ADAMTSL1: variants seen among roughly 807,000 people sequenced by gnomAD.
ADAMTSL1 encodes the protein ADAMTS-like protein 1.
In ADAMTSL1, 126 loss-of-function variants were observed where a neutral mutation model predicts 201.8. The observed-to-expected ratio is 0.62, with a 90% CI of 0.54 to 0.72. ADAMTSL1 has a LOEUF of 0.72. ADAMTSL1 is among the 30% of genes least tolerant of loss of function. The pLI is 0.00. For synonymous variants in ADAMTSL1, 1,121 were observed against 903.4 expected, an observed-to-expected ratio of 1.24 and a Z score of -4.32; for missense variants, 2,679 against 2,277.8, an observed-to-expected ratio of 1.18 and a Z score of -3.59.
intron 2 of ADAMTSL1, among the ~76,000 whole-genome samples, chr9:18,208,105 G>A (rs201061636): frequency 6.6e-6 from 1 of 151,952 alleles, no homozygotes; most frequent in Non-Finnish European, 1.5e-5. Context: ...ATTTTGTTAG[G>A]GGTACAAAAA....
At chr9:18,156,725 C>T (rs1262786896) in intron 1 of ADAMTSL1, among the ~76,000 whole-genome samples, 2 of 151,898 alleles carry the variant, frequency 1.3e-5, no homozygotes, top group Admixed American at 1.3e-4. Context: ...TGTGCCCATC[C>T]ACCTAGGATT....
At chr9:18,789,732 A>C (rs560953611) in intron 19 of ADAMTSL1, among the ~76,000 whole-genome samples, 1 of 152,134 alleles carries the variant, frequency 6.6e-6, no homozygotes, top group Non-Finnish European at 1.5e-5. Context: ...TAGAACTAGA[A>C]CTTGTTCTTA....
At chr9:17,968,081 A>T (rs996980709) in intron 1 of ADAMTSL1, among the ~76,000 whole-genome samples, 1 of 152,122 alleles carries the variant, frequency 6.6e-6, no homozygotes, top group African/African-American at 2.4e-5. Flanking sequence ...TGTTCGAGGA[A>T]GAATCTTCAC....
intron 23 of ADAMTSL1, among the ~76,000 whole-genome samples, chr9:18,874,386 G>A (rs770926568): frequency 2.6e-5 from 4 of 151,940 alleles, no homozygotes; most frequent in Non-Finnish European, 5.9e-5. Flanking sequence ...GGTTCTCAGG[G>A]AGAACTTTTC....
chr9:18,796,110 G>A (rs1822403098), intron 20 of ADAMTSL1, among the ~76,000 whole-genome samples: 1 of 152,210 alleles, frequency 6.6e-6, no homozygotes, highest in South Asian at 2.1e-4. Flanking sequence ...TTGCAACTCA[G>A]AGTACCATGT....
At chr9:18,712,646 G>C (rs1036792742) in intron 14 of ADAMTSL1, among the ~76,000 whole-genome samples, 2 of 150,250 alleles carry the variant, frequency 1.3e-5, no homozygotes, top group African/African-American at 4.9e-5. Flanking sequence ...AAGTGACGGG[G>C]AGAATGGAAC....
intron 1 of ADAMTSL1, among the ~76,000 whole-genome samples, chr9:18,129,383 G>A (rs1037134108): frequency 6.6e-6 from 1 of 152,174 alleles, no homozygotes; most frequent in Admixed American, 6.5e-5. Flanking sequence ...CCAGAGGGGA[G>A]TAATGGTTCT....
chr9:18,169,138 C>T lies in ADAMTSL1; in HGVS notation c.207+5157C>T, dbSNP rs1314999162. Among the ~76,000 whole-genome samples, 9 of 148,708 alleles carry T rather than the reference C, an allele frequency of 6.1e-5. 1 individual carries two copies. In the South Asian group the frequency reaches 1.5e-3, roughly 25 times the overall value. On this transcript the variant is annotated intron_variant, in intron 2 of 29. Coordinates refer to the ADAMTSL1 transcript ENST00000680146. ...GAAGCTCTTTAGTTTAATGAGATCC[C>T]ATTTGTCAATTTTGGCTTTTGTTGC...
At chr9:18,196,741 C>G (rs1829198365) in intron 2 of ADAMTSL1, among the ~76,000 whole-genome samples, 1 of 152,098 alleles carries the variant, frequency 6.6e-6, no homozygotes, top group Non-Finnish European at 1.5e-5. Flanking sequence ...ACACCTCTCA[C>G]TCCTTGCTTA....
intron 1 of ADAMTSL1, among the ~76,000 whole-genome samples, chr9:18,133,303 C>A (rs1414376185): frequency 6.6e-6 from 1 of 152,108 alleles, no homozygotes; most frequent in East Asian, 1.9e-4. Flanking sequence ...TGAGGGGTCA[C>A]CTCAGCCAGT....
intron 1 of ADAMTSL1, among the ~76,000 whole-genome samples, chr9:17,916,894 G>GATGAA (rs1276395347): frequency 6.6e-6 from 1 of 152,018 alleles, no homozygotes; most frequent in African/African-American, 2.4e-5. Context: ...CTAATACTGA[G>GATGAA]TTTCATGACT....
At chr9:18,536,516 A>T (rs61364591) in intron 3 of ADAMTSL1, among the ~76,000 whole-genome samples, 14,263 of 151,196 alleles carry the variant, frequency 0.094, 1,352 homozygotes, top group African/African-American at 0.25. Flanking sequence ...TATAAGTAGT[A>T]TGTCAATACA....
At chr9:18,654,069 A>G (rs1247938892) in intron 7 of ADAMTSL1, among the ~76,000 whole-genome samples, 1 of 152,252 alleles carries the variant, frequency 6.6e-6, no homozygotes, top group Admixed American at 6.5e-5. Flanking sequence ...CTCTACTAAA[A>G]ATACAAAAAA....
chr9:18,124,656 A>C (rs1587106662), intron 1 of ADAMTSL1, among the ~76,000 whole-genome samples: 1 of 152,314 alleles, frequency 6.6e-6, no homozygotes, highest in East Asian at 1.9e-4. Context: ...ATATTTGAAC[A>C]GGTGTTTTTA....
In ADAMTSL1 at chr9:18,143,593, C is replaced by T. The variant is rs533310132; in HGVS notation, c.88-20269C>T. On this transcript the variant is annotated intron_variant, in intron 1 of 29. Coordinates refer to the ADAMTSL1 transcript ENST00000680146. ...CAGAACCCCATGGGTCAAGTGTAGG[C>T]GTGTGCATGCTTTATAGATGGGTCC... Among the ~76,000 whole-genome samples the T allele has an allele frequency of 6.6e-5, 10 of 152,166 alleles. No individual in the cohort carries two copies. In the East Asian group the frequency reaches 1.9e-3, roughly 30 times the overall value.
At position 18,816,128 on chromosome 9, in the gene ADAMTSL1, G is replaced by A. The variant is rs192074512; in HGVS notation, c.3806-981G>A. 1.1e-3 allele frequency among the ~76,000 whole-genome samples: 161 copies of A among 152,102 alleles called. 2 individuals carry two copies. In the East Asian group the frequency reaches 0.024, roughly 23 times the overall value. ...CTTTGTGCCTCTTGACCAATCTCTCGCTATCTTCCTCTCCCCGCTCCCTTC... is the reference window on the plus strand; with the variant it reads ...CTTTGTGCCTCTTGACCAATCTCTCACTATCTTCCTCTCCCCGCTCCCTTC... On this transcript the variant is annotated intron_variant, in intron 20 of 28. Coordinates refer to ENST00000380548, the MANE Select transcript of ADAMTSL1 (RefSeq NM_001040272.6).
intron 2 of ADAMTSL1, among the ~76,000 whole-genome samples, chr9:18,320,962 A>G (rs1013187426): frequency 6.6e-6 from 1 of 152,090 alleles, no homozygotes; most frequent in Non-Finnish European, 1.5e-5. Context: ...TAACAAAATA[A>G]TAGATATAAA....
chr9:18,193,323 A>G (rs1224460268), intron 2 of ADAMTSL1, among the ~76,000 whole-genome samples: 1 of 152,160 alleles, frequency 6.6e-6, no homozygotes, highest in Admixed American at 6.6e-5. Context: ...ATCATATAGA[A>G]ATTATGTTTA....
intron 1 of ADAMTSL1, among the ~76,000 whole-genome samples, chr9:18,057,511 C>G (rs114901426): frequency 2.0e-5 from 3 of 152,074 alleles, no homozygotes; most frequent in African/African-American, 7.2e-5. Flanking sequence ...ATTTCCTTAC[C>G]CTAGCTGAGG....
Sources: allele counts gnomAD v4.1 joint callset (sites outside exome capture counted in the v4.1 genomes callset), GRCh38; gene constraint gnomAD v4.1.1; transcripts MANE v1.5; gene names NCBI Gene and HGNC (gene_info 2026-07-23, HGNC 2026-07-21).